PRDM5: variants seen among roughly 807,000 people sequenced by gnomAD.
PRDM5 encodes the protein PR/SET domain 5.
Under a neutral mutation model 81.2 loss-of-function variants are expected in PRDM5, and 56 were observed. The ratio of observed to expected loss-of-function variants is 0.69; its 90% CI spans 0.56 to 0.86. PRDM5 has a LOEUF of 0.86. Among genes scored for constraint, PRDM5 ranks in the 40% least tolerant of loss-of-function variants. The pLI is 0.00. For synonymous variants in PRDM5, 267 were observed against 256.4 expected (o/e 1.04, Z -0.39); for missense variants, 697 against 770.1 (o/e 0.91, Z 1.12).
intron 10 of PRDM5, among the ~76,000 whole-genome samples, chr4:120,786,095 A>G (rs1749729864): frequency 6.6e-6 from 1 of 152,140 alleles, no homozygotes; most frequent in African/African-American, 2.4e-5. Flanking sequence ...ATCATAACTG[A>G]TGGGTTTTTA....
intron 13 of PRDM5, among the ~76,000 whole-genome samples, chr4:120,771,265 T>C (rs1368565760): frequency 6.6e-6 from 1 of 152,188 alleles, no homozygotes; most frequent in Non-Finnish European, 1.5e-5. Context: ...TTTGGATTTA[T>C]GCCTAATAAA....
At chr4:120,824,512 A>G (rs913748645) in intron 3 of PRDM5, among the ~76,000 whole-genome samples, 3 of 152,350 alleles carry the variant, frequency 2.0e-5, no homozygotes, top group Non-Finnish European at 4.4e-5. Context: ...GCTCAAAAGC[A>G]AATATTCCCC....
intron 2 of PRDM5, among the ~76,000 whole-genome samples, chr4:120,854,380 G>GA (rs1350095478): frequency 6.6e-6 from 1 of 151,286 alleles, no homozygotes; most frequent in Non-Finnish European, 1.5e-5. Flanking sequence ...TTAGAATCCA[G>GA]AAAAAAAAGG....
In PRDM5 at chr4:120,844,163, T is replaced by C. The variant is rs76125153; in HGVS notation, c.300+9255A>G. ...ACATGCACAGAATTATACTAGATAC[T>C]CTGGGAAAGCTTTATAAGAAATAAA... On this transcript the variant is annotated intron_variant, in intron 3 of 15. Transcript: ENST00000264808. Among the ~76,000 whole-genome samples the C allele has an allele frequency of 2.2e-3, 333 of 152,164 alleles. 1 individual carries two copies. The highest frequency in any genetic ancestry group is 7.4e-3 in the African/African-American group (307 of 41,508).
At chr4:120,754,454 G>A in intron 14 of PRDM5, 99 bp downstream of exon 14, 1 of 761,080 alleles carries the variant, frequency 1.3e-6, no homozygotes, top group South Asian at 1.7e-5. Context: ...ACAACTTCCA[G>A]TGTATTGCCT....
intron 3 of PRDM5, among the ~76,000 whole-genome samples, chr4:120,851,207 C>T (rs544950579): frequency 4.6e-5 from 7 of 152,078 alleles, no homozygotes; most frequent in African/African-American, 1.4e-4. Flanking sequence ...ATTATTTACA[C>T]CTGAAAAGAA....
intron 15 of PRDM5, among the ~76,000 whole-genome samples, chr4:120,697,435 T>C (rs1250471393): frequency 1.3e-5 from 2 of 152,110 alleles, no homozygotes; most frequent in Admixed American, 1.3e-4. Flanking sequence ...AATGACTTAT[T>C]TGGCCAATTA....
downstream of PRDM5, among the ~76,000 whole-genome samples, chr4:120,690,691 ACT>A (rs1734007668): frequency 6.7e-6 from 1 of 149,948 alleles, no homozygotes; most frequent in Non-Finnish European, 1.5e-5. Flanking sequence ...GTGAGCTGGG[ACT>A]CTCTTCATTT....
At chr4:120,744,187 A>C (rs1000405715) in intron 14 of PRDM5, among the ~76,000 whole-genome samples, 1 of 152,064 alleles carries the variant, frequency 6.6e-6, no homozygotes, top group African/African-American at 2.4e-5. Context: ...ACTACTGGGT[A>C]CATAACGAAA....
chr4:120,788,494 A>G (rs1347649330), intron 10 of PRDM5, among the ~76,000 whole-genome samples: 1 of 152,236 alleles, frequency 6.6e-6, no homozygotes, highest in East Asian at 1.9e-4. Context: ...CTACAAAACA[A>G]TAAGTAGACA....
At chr4:120,817,952 A>C (rs1446702794) in intron 5 of PRDM5, among the ~76,000 whole-genome samples, 1 of 152,206 alleles carries the variant, frequency 6.6e-6, no homozygotes, top group Non-Finnish European at 1.5e-5. Flanking sequence ...CCCATTTCTT[A>C]AACTTTTTTT....
chr4:120,703,918 A>G (rs1306775599), intron 15 of PRDM5, among the ~76,000 whole-genome samples: 1 of 144,342 alleles, frequency 6.9e-6, no homozygotes, highest in African/African-American at 2.5e-5. Context: ...GGCTGACACC[A>G]TTAAAAATAT....
chr4:120,867,909 C>G (rs1035410979), intron 2 of PRDM5, among the ~76,000 whole-genome samples: 2 of 152,158 alleles, frequency 1.3e-5, no homozygotes, highest in African/African-American at 4.8e-5. Flanking sequence ...CAAACTGGAC[C>G]CAACTTCACC....
At chr4:120,903,682 G>A (rs934278712) in intron 2 of PRDM5, among the ~76,000 whole-genome samples, 4 of 152,098 alleles carry the variant, frequency 2.6e-5, no homozygotes, top group African/African-American at 9.7e-5. Flanking sequence ...TAAATGGCAG[G>A]GCCAGCTGGA....
At chr4:120,788,852 G>A (rs1750144524) in intron 10 of PRDM5, among the ~76,000 whole-genome samples, 1 of 152,226 alleles carries the variant, frequency 6.6e-6, no homozygotes, top group Admixed American at 6.5e-5. Flanking sequence ...GGATGGCAGA[G>A]AACCCATGCA....
chr4:120,899,927 T>C (rs1310857721), intron 2 of PRDM5, among the ~76,000 whole-genome samples: 1 of 152,154 alleles, frequency 6.6e-6, no homozygotes, highest in Non-Finnish European at 1.5e-5. Flanking sequence ...ACTTCACTTA[T>C]GTTTACAGGT....
chr4:120,747,604 T>C (rs1027650665), intron 14 of PRDM5, among the ~76,000 whole-genome samples: 1 of 152,152 alleles, frequency 6.6e-6, no homozygotes, highest in African/African-American at 2.4e-5. Context: ...ACAGTCTCAC[T>C]GCATGGTGTC....
downstream of PRDM5, among the ~76,000 whole-genome samples, chr4:120,689,189 C>T (rs72919566): frequency 6.6e-6 from 1 of 152,202 alleles, no homozygotes; most frequent in Admixed American, 6.6e-5. Flanking sequence ...AATTTGTAGA[C>T]CCCAATTTCA....
intron 13 of PRDM5, among the ~76,000 whole-genome samples, chr4:120,764,828 G>C (rs1746150743): frequency 6.6e-6 from 1 of 152,046 alleles, no homozygotes; most frequent in Non-Finnish European, 1.5e-5. Flanking sequence ...ATTATCTGCA[G>C]GTAAGAGAAT....
Sources: gnomAD v4.1 joint callset for allele counts (sites outside exome capture counted in the v4.1 genomes callset) on GRCh38, gnomAD v4.1.1 for gene constraint, MANE v1.5 for transcripts, NCBI Gene and HGNC (gene_info 2026-07-23, HGNC 2026-07-21) for gene names.